Variants in TRDMT1 observed in about 807,000 individuals in gnomAD.
TRDMT1 encodes tRNA (cytosine(38)-C(5))-methyltransferase.
Under a neutral mutation model 51.2 loss-of-function variants are expected in TRDMT1, and 49 were observed. The ratio of observed to expected loss-of-function variants is 0.96; its 90% CI spans 0.76 to 1.21. The LOEUF is 1.21. Ranked by LOEUF, TRDMT1 falls within the 50% of genes most tolerant of loss-of-function variation. The pLI, the probability that TRDMT1 is intolerant of heterozygous loss-of-function variation, is 0.00. For synonymous variants in TRDMT1, 187 were observed against 164.6 expected (o/e 1.14, Z -1.04); for missense variants, 534 against 462.3 (o/e 1.16, Z -1.42).
chr10:17,158,470 T>C (rs759502294), intron 7 of TRDMT1, among the ~76,000 whole-genome samples: 6 of 152,138 alleles, frequency 3.9e-5, no homozygotes, highest in Non-Finnish European at 5.9e-5. Context: ...AATATTAGTA[T>C]CATATTATAA....
In TRDMT1 at chr10:17,143,262, A is replaced by G. The variant is rs997429695; in HGVS notation, c.*5778T>C. The G allele has an allele frequency of 5.4e-5, 53 of 985,004 alleles. No individual in the cohort carries two copies. In the South Asian group the frequency reaches 1.6e-3, roughly 30 times the overall value. 61.0% of individuals were successfully genotyped at this position (985,004 alleles called of 1,614,324 possible). A position where few individuals can be genotyped will look rare whatever the true frequency, so the allele number is the denominator to read the frequency against. ...AACAACTATTTATTGAGTGCTTACT[A>G]TGTGCCAGTACTGTTTTAAGTCACT... is the stretch of plus-strand genomic sequence containing the variant. On this transcript the variant is annotated 3_prime_UTR_variant, in exon 11 of 11. Coordinates refer to ENST00000377799, the MANE Select transcript of TRDMT1 (RefSeq NM_004412.7).
At chr10:17,199,819 G>A (rs1165188856) in intron 1 of TRDMT1, among the ~76,000 whole-genome samples, 1 of 152,160 alleles carries the variant, frequency 6.6e-6, no homozygotes, top group Non-Finnish European at 1.5e-5. Context: ...GAACTTAATA[G>A]CTTGGATTCA....
At chr10:17,186,750 T>C (rs1233786105) in intron 1 of TRDMT1, among the ~76,000 whole-genome samples, 2 of 152,194 alleles carry the variant, frequency 1.3e-5, no homozygotes, top group East Asian at 3.8e-4. Flanking sequence ...CTATTTTATT[T>C]ATAATAGTGC....
At chr10:17,196,414 C>T (rs1845437505) in intron 1 of TRDMT1, among the ~76,000 whole-genome samples, 1 of 152,204 alleles carries the variant, frequency 6.6e-6, no homozygotes, top group African/African-American at 2.4e-5. Context: ...CCTGATACTA[C>T]ATTTTAAAAT....
At chr10:17,165,183 T>C (rs1841006944) in intron 3 of TRDMT1, among the ~76,000 whole-genome samples, 1 of 152,088 alleles carries the variant, frequency 6.6e-6, no homozygotes, top group Non-Finnish European at 1.5e-5. Context: ...TATAGATCAA[T>C]GGAACAGAAC....
chr10:17,183,208 A>C (rs1002052826), intron 1 of TRDMT1, among the ~76,000 whole-genome samples: 1 of 152,216 alleles, frequency 6.6e-6, no homozygotes, highest in Non-Finnish European at 1.5e-5. Flanking sequence ...TATTTACTAC[A>C]TAGAGCAGTT....
chr10:17,154,358 T>C (rs1203126707), intron 9 of TRDMT1, among the ~76,000 whole-genome samples: 2 of 152,176 alleles, frequency 1.3e-5, no homozygotes, highest in African/African-American at 4.8e-5. Flanking sequence ...AATATTAAGA[T>C]GTTTGTACAA....
chr10:17,187,337 C>T (rs1844076577), intron 1 of TRDMT1, among the ~76,000 whole-genome samples: 2 of 151,974 alleles, frequency 1.3e-5, no homozygotes, highest in African/African-American at 4.8e-5. Context: ...AACAATTTCA[C>T]CTAGTAAATT....
At chr10:17,163,798 C>T (rs1209640976) in intron 3 of TRDMT1, among the ~76,000 whole-genome samples, 2 of 151,996 alleles carry the variant, frequency 1.3e-5, no homozygotes, top group African/African-American at 4.8e-5. Flanking sequence ...ACACATACAC[C>T]CTCCCAAGAC....
chr10:17,185,991 A>T (rs34070587), intron 1 of TRDMT1, among the ~76,000 whole-genome samples: 44,393 of 151,568 alleles, frequency 0.29, 6,737 homozygotes, highest in Middle Eastern at 0.39. Flanking sequence ...CCAACGGCAC[A>T]TGTATACCTA....
chr10:17,201,406 A>C (rs1032532941), intron 1 of TRDMT1, 165 bp downstream of exon 1: 2 of 619,760 alleles, frequency 3.2e-6, no homozygotes, highest in Non-Finnish European at 5.3e-6. Context: ...AGGGGTGGAC[A>C]CGGCGGCGCG....
At chr10:17,186,966 A>T (rs974383092) in intron 1 of TRDMT1, among the ~76,000 whole-genome samples, 2 of 152,188 alleles carry the variant, frequency 1.3e-5, no homozygotes, top group African/African-American at 4.8e-5. Flanking sequence ...AAAGATTTTA[A>T]TCTAAGCCTT....
chr10:17,174,641 T>C lies in TRDMT1; in HGVS notation c.84A>G (p.Gln28=), dbSNP rs1262657637. The change falls in exon 2 of 11, where the codon CAA becomes CAG. Residue 28 remains glutamine (Q), a synonymous_variant. Transcript: ENST00000377799. ...HALRESCIPA[Q]VVAAIDVNTV... ...TGTTGACATCAATGGCAGCCACCAC[T>C]TGTGCAGGTATACAGCTTTCTGTAA... 9.3e-6 allele frequency: 15 copies of C among 1,613,736 alleles called. No individual in the cohort carries two copies. The Admixed American group carries it at 2.5e-4, about 27-fold the overall frequency.
chr10:17,151,315 T>C (rs1204909585), intron 10 of TRDMT1: 3 of 985,252 alleles, frequency 3.0e-6, no homozygotes, highest in African/African-American at 3.5e-5. Context: ...AAACATGGGA[T>C]GAACAAGGTC....
Position 17,156,239 on chromosome 10 carries a change from C to CT in TRDMT1, c.887+1201dup, listed in dbSNP as rs747213529. Among the ~76,000 whole-genome samples the CT allele has an allele frequency of 8.3e-3, 1,187 of 143,734 alleles. 7 individuals are homozygous for CT. The highest frequency in any genetic ancestry group is 0.025 in the Middle Eastern group (7 of 276). 94.3% of individuals were successfully genotyped at this position (143,734 alleles called of 152,430 possible). ...GACAGAGATCCTTGGCAAAATTTTT[C>CT]TTTTTTTTTTTTTGAGACAGAGTCT... On this transcript the variant is annotated intron_variant, in intron 8 of 10. Coordinates refer to ENST00000377799, the MANE Select transcript of TRDMT1 (RefSeq NM_004412.7).
chr10:17,146,717 A>T lies in TRDMT1; in HGVS notation c.*2323T>A. ...GAGAAGCTATGTTTTCCAACATCTG[A>T]ATAAATGTACAAGTCCAAATATCAG... is the stretch of plus-strand genomic sequence containing the variant. On this transcript the variant is annotated 3_prime_UTR_variant, in exon 11 of 11. Coordinates refer to ENST00000377799, the MANE Select transcript of TRDMT1 (RefSeq NM_004412.7). 1.0e-6 allele frequency: 1 copy of T among 985,460 alleles called. No individual in the cohort carries two copies. The highest frequency in any genetic ancestry group is 4.7e-5 in the South Asian group (1 of 21,286). 61.0% of individuals were successfully genotyped at this position (985,460 alleles called of 1,614,324 possible).
chr10:17,147,379 T>A lies in TRDMT1; in HGVS notation c.*1661A>T, dbSNP rs1261738213. The stretch of plus-strand genomic sequence containing the variant: ...TGAAAAATTGGTAATAGAGTATGAT[T>A]TTTTCAATTGCAGTAAAATATACAT... On this transcript the variant is annotated 3_prime_UTR_variant, in exon 11 of 11. Transcript: ENST00000377799. 1 of 975,852 alleles carries A rather than the reference T, an allele frequency of 1.0e-6. No individual in the cohort carries two copies. The highest frequency in any genetic ancestry group is 6.2e-5 in the Admixed American group (1 of 16,238). 60.4% of individuals were successfully genotyped at this position (975,852 alleles called of 1,614,324 possible).
intron 3 of TRDMT1, among the ~76,000 whole-genome samples, chr10:17,168,171 T>G (rs1841469504): frequency 6.6e-6 from 1 of 152,014 alleles, no homozygotes; most frequent in African/African-American, 2.4e-5. Flanking sequence ...GGCATGGAAG[T>G]ACATACCTTT....
At chr10:17,170,996 T>C (rs1841907518) in intron 2 of TRDMT1, among the ~76,000 whole-genome samples, 1 of 148,510 alleles carries the variant, frequency 6.7e-6, no homozygotes, top group Non-Finnish European at 1.5e-5. Flanking sequence ...GTACATTAGC[T>C]AACAGATCCA....
Sources: allele counts gnomAD v4.1 joint callset (sites outside exome capture counted in the v4.1 genomes callset), GRCh38; gene constraint gnomAD v4.1.1; transcripts MANE v1.5; gene names NCBI Gene and HGNC (gene_info 2026-07-23, HGNC 2026-07-21).